Variants in PMEPA1 observed in about 807,000 individuals in gnomAD.
PMEPA1 encodes the protein protein TMEPAI.
In PMEPA1, 11 loss-of-function variants were observed where a neutral mutation model predicts 23.0. The observed-to-expected ratio is 0.48, with a 90% CI of 0.30 to 0.79. PMEPA1 has a LOEUF of 0.79. Ranked by LOEUF, PMEPA1 falls within the 30% of genes least tolerant of loss-of-function variation. The pLI, the probability that PMEPA1 is intolerant of heterozygous loss-of-function variation, is 0.06. For missense variants in PMEPA1, 377 were observed against 390.9 expected, an observed-to-expected ratio of 0.96 and a Z score of 0.30; for synonymous variants, 204 against 166.4, an observed-to-expected ratio of 1.23 and a Z score of -1.74.
chr20:57,652,120 A>ATG lies in PMEPA1; in HGVS notation c.795_796dup (p.Ile266ThrfsTer5). 6.3e-7 allele frequency: 1 copy of ATG among 1,588,496 alleles called. No homozygotes were observed. Among genetic ancestry groups the ATG allele is most frequent in the Non-Finnish European group, 8.6e-7 (1 of 1,166,610 alleles). ...GATGGCTGCGCTCTCTAGGGGCGCG[A>ATG]TGTGTGTGTGGTGGAGCCGGGTCCC... On this transcript the variant is annotated frameshift_variant, in exon 4 of 4. Transcript: ENST00000341744. LOFTEE classifies it high-confidence loss of function. The surrounding 1 kb of genome is among the most constrained non-coding windows in gnomAD (Gnocchi z 6.1).
intron 1 of PMEPA1, among the ~76,000 whole-genome samples, chr20:57,670,194 T>C (rs1221102308): frequency 1.3e-5 from 1 of 74,816 alleles, no homozygotes; most frequent in Non-Finnish European, 2.6e-5. Context: ...GGCCTGGAGG[T>C]AGGGGTGGGG....
chr20:57,689,482 T>C (rs2071847467), intron 1 of PMEPA1, among the ~76,000 whole-genome samples: 1 of 152,162 alleles, frequency 6.6e-6, no homozygotes, highest in African/African-American at 2.4e-5. Context: ...CACCACCCCG[T>C]TCCTCCTGGG....
intron 1 of PMEPA1, among the ~76,000 whole-genome samples, chr20:57,707,581 T>G (rs1024180334): frequency 6.6e-6 from 1 of 151,782 alleles, no homozygotes; most frequent in Non-Finnish European, 1.5e-5. Flanking sequence ...ACAAGAGGCC[T>G]TGATGTCAGG....
intron 1 of PMEPA1, among the ~76,000 whole-genome samples, chr20:57,678,154 A>G (rs981496240): frequency 4.6e-5 from 7 of 152,106 alleles, no homozygotes; most frequent in Non-Finnish European, 1.0e-4. Flanking sequence ...ATTGAACGAA[A>G]CACACACACA....
At chr20:57,660,737 TAC>T (rs1305350641) in intron 1 of PMEPA1, among the ~76,000 whole-genome samples, 1 of 133,754 alleles carries the variant, frequency 7.5e-6, no homozygotes, top group African/African-American at 3.0e-5. Context: ...CTAACACTCC[TAC>T]ACACACAACA....
intron 1 of PMEPA1, among the ~76,000 whole-genome samples, chr20:57,699,826 C>T (rs1450032815): frequency 6.6e-6 from 1 of 152,340 alleles, no homozygotes; most frequent in African/African-American, 2.4e-5. Flanking sequence ...CCTGAGCTCA[C>T]CCTGTGACAC....
intron 1 of PMEPA1, among the ~76,000 whole-genome samples, chr20:57,685,706 A>G (rs1032078199): frequency 6.6e-6 from 1 of 152,126 alleles, no homozygotes; most frequent in African/African-American, 2.4e-5. Flanking sequence ...CGCCCAGCAA[A>G]TAATTCTGGC....
intron 1 of PMEPA1, among the ~76,000 whole-genome samples, chr20:57,688,819 C>T (rs1036337229): frequency 3.3e-5 from 5 of 152,216 alleles, no homozygotes; most frequent in Non-Finnish European, 7.3e-5. Context: ...TTGTCACTAA[C>T]GGCCATGAGG....
intron 1 of PMEPA1, among the ~76,000 whole-genome samples, chr20:57,662,356 G>A (rs1568966085): frequency 6.6e-6 from 1 of 152,158 alleles, no homozygotes; most frequent in South Asian, 2.1e-4. Context: ...GAGGAGACAC[G>A]GGCTCAGAGG....
intron 1 of PMEPA1, among the ~76,000 whole-genome samples, chr20:57,694,961 C>CT (rs1262950821): frequency 2.6e-5 from 4 of 152,192 alleles, no homozygotes; most frequent in African/African-American, 4.8e-5. Flanking sequence ...TCTTCTTCTT[C>CT]AGAGCATGCT....
intron 1 of PMEPA1, among the ~76,000 whole-genome samples, chr20:57,684,859 A>AGG (rs11383075): frequency 3.5e-5 from 5 of 144,094 alleles, no homozygotes; most frequent in African/African-American, 1.3e-4. Flanking sequence ...AGGAGCTGGG[A>AGG]GGGGGGGGTC....
At chr20:57,670,723 G>C (rs995171712) in intron 1 of PMEPA1, among the ~76,000 whole-genome samples, 20 of 152,264 alleles carry the variant, frequency 1.3e-4, no homozygotes, top group Admixed American at 9.8e-4. Flanking sequence ...ATCAATGAAC[G>C]GCACATACCT....
intron 1 of PMEPA1, among the ~76,000 whole-genome samples, chr20:57,698,477 C>T (rs1217730369): frequency 3.3e-5 from 5 of 152,230 alleles, no homozygotes; most frequent in African/African-American, 4.8e-5. Flanking sequence ...TGAATCATGC[C>T]TTCCGCAAGA....
chr20:57,690,337 T>G, intron 1 of PMEPA1: 3 of 753,220 alleles, frequency 4.0e-6, no homozygotes, highest in Non-Finnish European at 6.2e-6. Context: ...CCACCCGCCC[T>G]GCATCAGCGC....
At chr20:57,672,400 C>T (rs2071580788) in intron 1 of PMEPA1, among the ~76,000 whole-genome samples, 1 of 152,252 alleles carries the variant, frequency 6.6e-6, no homozygotes, top group Non-Finnish European at 1.5e-5. Context: ...GGAAGTGAAC[C>T]GGGGCTCCGT....
chr20:57,666,236 C>T (rs180707065), intron 1 of PMEPA1, among the ~76,000 whole-genome samples: 1 of 152,302 alleles, frequency 6.6e-6, no homozygotes. Context: ...CCTCCAGAGA[C>T]AGGCACAGTC....
intron 1 of PMEPA1, among the ~76,000 whole-genome samples, chr20:57,673,137 G>C (rs1246779050): frequency 1.3e-5 from 2 of 152,074 alleles, no homozygotes; most frequent in Non-Finnish European, 2.9e-5. Flanking sequence ...AAGCCTCTTG[G>C]CCGCCAGCAC....
intron 1 of PMEPA1, among the ~76,000 whole-genome samples, chr20:57,664,000 C>T (rs1600634487): frequency 6.6e-6 from 1 of 152,230 alleles, no homozygotes; most frequent in African/African-American, 2.4e-5. Context: ...AGGCACCTTC[C>T]ACGCACTTTC....
chr20:57,697,639 TG>T (rs1468380049), intron 1 of PMEPA1, among the ~76,000 whole-genome samples: 1 of 152,034 alleles, frequency 6.6e-6, no homozygotes, highest in African/African-American at 2.4e-5. Flanking sequence ...CGATGCAGAG[TG>T]GAGGATGCAG....
Sources: allele counts gnomAD v4.1 joint callset (sites outside exome capture counted in the v4.1 genomes callset), GRCh38; gene constraint gnomAD v4.1.1; non-coding constraint Gnocchi (gnomAD v3.1); transcripts MANE v1.5; gene names NCBI Gene and HGNC (gene_info 2026-07-23, HGNC 2026-07-21).